The following ZNF787 variants were observed in gnomAD, a reference collection of about 807,000 sequenced individuals.
ZNF787 encodes the protein TTF-I-interacting peptide 20.
Under a neutral mutation model 16.9 loss-of-function variants are expected in ZNF787, and 7 were observed. The observed-to-expected ratio is 0.42, with a 90% CI of 0.24 to 0.78. ZNF787 has a LOEUF of 0.78. Ranked by LOEUF, ZNF787 falls within the 30% of genes least tolerant of loss-of-function variation. ZNF787 has a pLI of 0.30. For synonymous variants in ZNF787, 345 were observed against 270.9 expected (o/e 1.27, Z -2.69); for missense variants, 551 against 589.3 (o/e 0.94, Z 0.67).
intron 1 of ZNF787, among the ~76,000 whole-genome samples, chr19:56,115,897 C>T (rs1014010681): frequency 5.9e-5 from 9 of 152,196 alleles, no homozygotes; most frequent in African/African-American, 1.2e-4. Flanking sequence ...TTAGGGCAGC[C>T]GAGTAACTGA....
chr19:56,088,698 G>T lies in ZNF787; in HGVS notation c.474C>A (p.Ser158Arg). Residue 158 changes from serine to arginine, a missense_variant, in exon 3 of 3, where the codon AGC (serine) becomes AGA (arginine). By Grantham distance (110) the Ser-to-Arg change is moderately radical. Around this residue, in one of 4 missense-constraint regions of ZNF787, gnomAD observed 40 missense variants for 60.7 expected, o/e 0.66. Coordinates refer to ENST00000610935, the MANE Select transcript of ZNF787 (RefSeq NM_001002836.4). This position sits in a 1 kb window ranked among gnomAD's most constrained non-coding sequence, Gnocchi z 8.6. ...TGGCCAGGCTCTTGCTCTGAGTGAAGCTGCGGCCGCAGTCGGGGCAGGTGT... is the reference window on the plus strand; with the variant it reads ...TGGCCAGGCTCTTGCTCTGAGTGAATCTGCGGCCGCAGTCGGGGCAGGTGT... ...KPYTCPDCGR[S>R]FTQSKSLAKH... 1 of 1,601,878 alleles carries T rather than the reference G, an allele frequency of 6.2e-7. No homozygotes were observed. The highest frequency in any genetic ancestry group is 1.3e-5 in the African/African-American group (1 of 74,696).
chr19:56,087,931 C>T lies in ZNF787; in HGVS notation c.*92G>A, dbSNP rs941767764. ...GGATGCCGCGGGGTCCATCGCACCC[C>T]GTCCGCTTCTCCCTGGGTCTCTTGG... On this transcript the variant is annotated 3_prime_UTR_variant, in exon 3 of 3. Transcript: ENST00000610935. The T allele has an allele frequency of 3.1e-6, 4 of 1,287,906 alleles. No homozygotes were observed. Among genetic ancestry groups the T allele is most frequent in the Non-Finnish European group, 3.9e-6 (4 of 1,018,442 alleles). 79.8% of individuals were successfully genotyped at this position (1,287,906 alleles called of 1,614,324 possible). A position where few individuals can be genotyped will look rare whatever the true frequency, so the allele number is the denominator to read the frequency against.
In ZNF787 at chr19:56,087,817, G is replaced by T. The variant is rs896269410; in HGVS notation, c.*206C>A. The T allele has an allele frequency of 1.3e-6, 1 of 785,158 alleles. No individual in the cohort carries two copies. The highest frequency in any genetic ancestry group is 4.6e-5 in the Admixed American group (1 of 21,834). 48.6% of individuals were successfully genotyped at this position (785,158 alleles called of 1,614,324 possible). On this transcript the variant is annotated 3_prime_UTR_variant, in exon 3 of 3. Coordinates refer to ENST00000610935, the MANE Select transcript of ZNF787 (RefSeq NM_001002836.4). ...AAGGGCGGGCCAGGCTGAGGGGGCA[G>T]AGTCTCGAGGCGGAGAAGTGAACGG...
intron 2 of ZNF787, among the ~76,000 whole-genome samples, chr19:56,098,640 A>C (rs76295320): frequency 5.2e-5 from 1 of 19,110 alleles, no homozygotes; most frequent in African/African-American, 1.8e-4. Flanking sequence ...AGGGTGATAC[A>C]GCCGCAGGGT....
At position 56,087,763 on chromosome 19, in the gene ZNF787, C is replaced by G. The variant is rs1254908401; in HGVS notation, c.*260G>C. On this transcript the variant is annotated 3_prime_UTR_variant, in exon 3 of 3. Transcript: ENST00000610935. ...CGGCCTCTGCAGTTCTCTCCATTGT[C>G]TCTCCGGCTCGCAGGCCGATAACTT... The G allele has an allele frequency of 1.6e-5, 7 of 425,380 alleles. No homozygotes were observed. The highest frequency in any genetic ancestry group is 2.2e-5 in the Non-Finnish European group (6 of 276,404). 26.4% of individuals were successfully genotyped at this position (425,380 alleles called of 1,614,324 possible).
chr19:56,108,091 A>G (rs995738751), intron 1 of ZNF787, among the ~76,000 whole-genome samples: 2 of 152,202 alleles, frequency 1.3e-5, no homozygotes, highest in South Asian at 4.1e-4. Flanking sequence ...CACTGGCGGC[A>G]GCAGCCAGGA....
chr19:56,109,362 T>C (rs1281545753), intron 1 of ZNF787, among the ~76,000 whole-genome samples: 2 of 151,930 alleles, frequency 1.3e-5, no homozygotes, highest in Non-Finnish European at 1.5e-5. Context: ...CCTTTCTTCC[T>C]GCAAGCAGAT....
At chr19:56,101,047 T>G (rs1334366538) in intron 2 of ZNF787, among the ~76,000 whole-genome samples, 2 of 121,684 alleles carry the variant, frequency 1.6e-5, no homozygotes, top group East Asian at 5.3e-4. Flanking sequence ...CACTGTCACA[T>G]AGGAGGGACG....
chr19:56,108,647 C>T (rs965192289), intron 1 of ZNF787, among the ~76,000 whole-genome samples: 2 of 152,002 alleles, frequency 1.3e-5, no homozygotes, highest in South Asian at 2.1e-4. Flanking sequence ...CCCAGGGCAG[C>T]GCCAGGCACA....
chr19:56,088,067 C>T lies in ZNF787; in HGVS notation c.1105G>A (p.Ala369Thr), dbSNP rs1253274162. 2.8e-6 allele frequency: 4 copies of T among 1,418,864 alleles called. No individual in the cohort carries two copies. Among genetic ancestry groups the T allele is most frequent in the Non-Finnish European group, 3.7e-6 (4 of 1,085,346 alleles). The allele number at this position is 1,418,864 out of a possible 1,614,324, so 87.9% of individuals were successfully genotyped here. A position where few individuals can be genotyped will look rare whatever the true frequency, so the allele number is the denominator to read the frequency against. ...CGGCACTCGGGGCACCGCCCGCCCG[C>T]GGCCTCGTCGTCGTCGTCCTCCTCC... ...GEEEDDDDEA[A>T]GGRCPECRGG... Residue 369 changes from alanine (A) to threonine (T), a missense_variant, in exon 3 of 3, where the codon GCG becomes ACG. Ala to Thr is a moderately conservative substitution (Grantham distance 58). Around this residue, in one of 4 missense-constraint regions of ZNF787, gnomAD observed 392 missense variants for 312.7 expected, o/e 1.25. Coordinates refer to ENST00000610935, the MANE Select transcript of ZNF787 (RefSeq NM_001002836.4). The surrounding 1 kb of genome is among the most constrained non-coding windows in gnomAD (Gnocchi z 8.6).
chr19:56,090,157 GCA>G (rs920654002), intron 2 of ZNF787, among the ~76,000 whole-genome samples: 2 of 152,156 alleles, frequency 1.3e-5, no homozygotes, highest in Non-Finnish European at 2.9e-5. Context: ...GTGGTGCCCA[GCA>G]CACAGAGCCC....
intron 2 of ZNF787, 133 bp downstream of exon 2, chr19:56,103,006 G>A (rs747993639): frequency 5.4e-6 from 5 of 923,894 alleles, no homozygotes; most frequent in Non-Finnish European, 8.6e-6. Context: ...GGGAGGGGAG[G>A]CCAGGGTCGG....
intron 2 of ZNF787, among the ~76,000 whole-genome samples, chr19:56,097,096 C>T (rs1208973532): frequency 6.6e-6 from 1 of 152,174 alleles, no homozygotes; most frequent in East Asian, 1.9e-4. Flanking sequence ...CTGCATGCCA[C>T]CCACCAGCCC....
intron 1 of ZNF787, among the ~76,000 whole-genome samples, chr19:56,109,886 AAAAAT>A (rs1415616656): frequency 6.6e-6 from 1 of 152,192 alleles, no homozygotes; most frequent in African/African-American, 2.4e-5. Flanking sequence ...TCCGTCTCAA[AAAAAT>A]AAAATAACAT....
chr19:56,102,225 G>C (rs1302786829), intron 2 of ZNF787: 1 of 152,286 alleles, frequency 6.6e-6, no homozygotes. Context: ...ACGCATTTCC[G>C]TGTGGACTGT....
At position 56,088,528 on chromosome 19, in the gene ZNF787, G is replaced by A; in HGVS notation, c.644C>T (p.Ala215Val). 7.0e-7 allele frequency: 1 copy of A among 1,438,244 alleles called. No individual in the cohort carries two copies. The highest frequency in any genetic ancestry group is 1.4e-5 in the South Asian group (1 of 73,178). The allele number at this position is 1,438,244 out of a possible 1,614,324, so 89.1% of individuals were successfully genotyped here. ...GPGVAAKVLA[A>V]SVRRAKGPEE... ...GGGCCCCTTGGCCCGCCGGACGCTA[G>A]CCGCCAGCACCTTGGCCGCCACGCC... Residue 215 changes from alanine to valine, a missense_variant, in exon 3 of 3, where the codon GCT becomes GTT. By Grantham distance (64) the Ala-to-Val change is moderately conservative. Coordinates refer to ENST00000610935, the MANE Select transcript of ZNF787 (RefSeq NM_001002836.4). The surrounding 1 kb of genome is among the most constrained non-coding windows in gnomAD (Gnocchi z 8.6).
chr19:56,109,560 G>A (rs1484755428), intron 1 of ZNF787, among the ~76,000 whole-genome samples: 3 of 152,168 alleles, frequency 2.0e-5, no homozygotes, highest in African/African-American at 7.2e-5. Context: ...AACTGCTTCA[G>A]GAGGCCTTCA....
chr19:56,090,483 G>C (rs898453125), intron 2 of ZNF787, among the ~76,000 whole-genome samples: 7 of 152,076 alleles, frequency 4.6e-5, no homozygotes, highest in African/African-American at 1.7e-4. Flanking sequence ...CACAAAGTGG[G>C]ATCCTGCGAC....
intron 1 of ZNF787, among the ~76,000 whole-genome samples, chr19:56,111,351 A>G (rs2029974506): frequency 6.6e-6 from 1 of 152,008 alleles, no homozygotes; most frequent in African/African-American, 2.4e-5. Context: ...CTGCCCTGGA[A>G]TTCCTGGTCA....
Sources: gnomAD v4.1 joint callset for allele counts (sites outside exome capture counted in the v4.1 genomes callset) on GRCh38, gnomAD v4.1.1 for gene constraint, gnomAD v4.1.1 regional missense constraint, Gnocchi (gnomAD v3.1) non-coding constraint, MANE v1.5 for transcripts, NCBI Gene and HGNC (gene_info 2026-07-23, HGNC 2026-07-21) for gene names.